The following TFAP2D variants were observed in gnomAD, a reference collection of about 807,000 sequenced individuals.
The protein encoded by TFAP2D is transcription factor AP-2 delta, also known as transcription factor AP-2-delta.
TFAP2D carries 9 observed loss-of-function variants against 43.6 expected under a neutral mutation model. The ratio of observed to expected loss-of-function variants is 0.21; its 90% confidence interval spans 0.12 to 0.36. The LOEUF (loss-of-function observed/expected upper bound fraction) is 0.36. Among genes scored for constraint, TFAP2D ranks in the 10% least tolerant of loss-of-function variants. The probability of loss-of-function intolerance (pLI) is 1.00; values close to 1 mark genes in which losing one functional copy is unlikely to be tolerated. For missense variants in TFAP2D, 513 were observed against 561.4 expected (o/e 0.91, Z 0.87); for synonymous variants, 256 against 224.9 (o/e 1.14, Z -1.24).
intron 3 of TFAP2D, among the ~76,000 whole-genome samples, chr6:50,719,902 G>C (rs896025360): frequency 6.6e-6 from 1 of 152,170 alleles, no homozygotes; most frequent in African/African-American, 2.4e-5. Flanking sequence ...GGCACTAAAG[G>C]GGGCTGCATC....
intron 5 of TFAP2D, among the ~76,000 whole-genome samples, chr6:50,737,370 A>G (rs919095822): frequency 3.9e-5 from 6 of 152,316 alleles, no homozygotes; most frequent in Non-Finnish European, 8.8e-5. Flanking sequence ...AAAACTTGGA[A>G]TTACCCACGT....
intron 5 of TFAP2D, among the ~76,000 whole-genome samples, chr6:50,739,837 A>C (rs1769012421): frequency 6.6e-6 from 1 of 152,232 alleles, no homozygotes; most frequent in African/African-American, 2.4e-5. Flanking sequence ...TAAGTGCAGG[A>C]TATTGAATGG....
chr6:50,762,253 T>C (rs1333786158), intron 7 of TFAP2D, among the ~76,000 whole-genome samples: 1 of 152,082 alleles, frequency 6.6e-6, no homozygotes, highest in Admixed American at 6.6e-5. Flanking sequence ...TACATTTCCA[T>C]GTAAAAAGTT....
At chr6:50,737,406 C>T (rs1768979191) in intron 5 of TFAP2D, among the ~76,000 whole-genome samples, 1 of 152,104 alleles carries the variant, frequency 6.6e-6, no homozygotes, top group Non-Finnish European at 1.5e-5. Context: ...CATTTGAGTT[C>T]AGAATTAAAT....
intron 5 of TFAP2D, among the ~76,000 whole-genome samples, chr6:50,737,698 G>A (rs1768982878): frequency 6.6e-6 from 1 of 151,894 alleles, no homozygotes; most frequent in Non-Finnish European, 1.5e-5. Context: ...AATTTTTTGA[G>A]TTTGTCTTAG....
At chr6:50,739,292 A>G (rs964390439) in intron 5 of TFAP2D, among the ~76,000 whole-genome samples, 1 of 151,986 alleles carries the variant, frequency 6.6e-6, no homozygotes, top group African/African-American at 2.4e-5. Flanking sequence ...TCATTGTTCA[A>G]TTCCCACCTA....
chr6:50,715,442 C>G lies in TFAP2D; in HGVS notation c.366C>G (p.Leu122=), dbSNP rs763351094. The change falls in exon 2 of 8, where the codon CTC becomes CTG. Residue 122 remains leucine (L), a synonymous_variant. Coordinates refer to ENST00000008391, the MANE Select transcript of TFAP2D (RefSeq NM_172238.4). ...DFINLHNARA[L]KSSCLDEQRR... ...TTAACCTGCACAATGCGCGGGCGCT[C>G]AAGTCGTCCTGCCTGGACGAGCAGA... 17 of 1,614,160 alleles carry G rather than the reference C, an allele frequency of 1.1e-5. No individual in the cohort carries two copies. The highest frequency in any genetic ancestry group is 1.6e-4 in the Middle Eastern group (1 of 6,062).
intron 3 of TFAP2D, among the ~76,000 whole-genome samples, chr6:50,719,536 C>A (rs1768686586): frequency 6.6e-6 from 1 of 152,064 alleles, no homozygotes; most frequent in South Asian, 2.1e-4. Context: ...AGCACTAATA[C>A]CACATCCTCC....
At position 50,719,490 on chromosome 6, in the gene TFAP2D, AAAGAAAGAAAG is replaced by A. The variant is rs879617398; in HGVS notation, c.598+344_598+354del. Among the ~76,000 whole-genome samples, 1,125 of 139,336 alleles carry A rather than the reference AAAGAAAGAAAG, an allele frequency of 8.1e-3. 7 individuals are homozygous for A. The highest frequency in any genetic ancestry group is 0.018 in the African/African-American group (730 of 40,270). The allele number at this position is 139,336 out of a possible 152,430, so 91.4% of individuals were successfully genotyped here. A position where few individuals can be genotyped will look rare whatever the true frequency, so the allele number is the denominator to read the frequency against. The stretch of plus-strand genomic sequence containing the variant: ...GAAAGAAAGAAAGAAAGAAAGAAAG[AAAGAAAGAAAG>A]AAGTTTCTCACACCCTCTTCCCCCA... On this transcript the variant is annotated intron_variant, in intron 3 of 7. Transcript: ENST00000008391.
At chr6:50,723,652 A>G (rs1768764272) in intron 3 of TFAP2D, among the ~76,000 whole-genome samples, 1 of 152,178 alleles carries the variant, frequency 6.6e-6, no homozygotes, top group Admixed American at 6.5e-5. Flanking sequence ...AAACTCTTGT[A>G]CCAAAGCATC....
chr6:50,718,490 A>C (rs538936329), intron 2 of TFAP2D, among the ~76,000 whole-genome samples: 2 of 152,178 alleles, frequency 1.3e-5, no homozygotes, highest in African/African-American at 4.8e-5. Flanking sequence ...AAAATCAGCA[A>C]ACTCTTTCCA....
chr6:50,771,273 T>G (rs1220488444), intron 7 of TFAP2D, among the ~76,000 whole-genome samples: 1 of 152,222 alleles, frequency 6.6e-6, no homozygotes, highest in African/African-American at 2.4e-5. Flanking sequence ...GTTTTGTCCC[T>G]GCCACCTAAG....
intron 5 of TFAP2D, among the ~76,000 whole-genome samples, chr6:50,742,986 C>CACACACACACACAT: frequency 6.7e-6 from 1 of 148,336 alleles, no homozygotes; most frequent in Admixed American, 6.6e-5. Context: ...CACACACACA[C>CACACACACACACAT]ACACACACAT....
chr6:50,751,449 G>A lies in TFAP2D; in HGVS notation c.1139+125G>A, dbSNP rs1256313751. On this transcript the variant is annotated intron_variant, in intron 7 of 7. Transcript: ENST00000008391. ...GTGACTGTCCTAGTCCTTTCAGATG[G>A]GCTATAACAAAATACCTTAGACTGG... The A allele has an allele frequency of 1.6e-5, 10 of 631,952 alleles. No individual in the cohort carries two copies. In the East Asian group the frequency reaches 2.6e-4, roughly 16 times the overall value. 39.1% of individuals were successfully genotyped at this position (631,952 alleles called of 1,614,324 possible).
Position 50,715,739 on chromosome 6 carries a change from T to TCA in TFAP2D, c.537+127_537+128insAC, listed in dbSNP as rs1446219701. 5.3e-6 allele frequency: 4 copies of TCA among 753,316 alleles called. No homozygotes were observed. The African/African-American group carries it at 7.7e-5, about 14-fold the overall frequency. The allele number at this position is 753,316 out of a possible 1,614,324, so 46.7% of individuals were successfully genotyped here. ...CTCTTCTCCTCTCTCTCTCTCTCTC[T>TCA]CTCTCTCTCTCACACACACACACAC... On this transcript the variant is annotated intron_variant, in intron 2 of 7. Transcript: ENST00000008391.
intron 5 of TFAP2D, among the ~76,000 whole-genome samples, chr6:50,737,560 T>C (rs1003420302): frequency 2.0e-5 from 3 of 152,190 alleles, no homozygotes; most frequent in Admixed American, 2.0e-4. Flanking sequence ...CCCCAGTCAT[T>C]CAGTTCCCCT....
chr6:50,738,365 CTT>C (rs1443998166), intron 5 of TFAP2D, among the ~76,000 whole-genome samples: 2 of 151,924 alleles, frequency 1.3e-5, no homozygotes, highest in Admixed American at 6.6e-5. Context: ...TTATTGAGGT[CTT>C]TGCATGCAGA....
chr6:50,765,974 C>A (rs191019365), intron 7 of TFAP2D, among the ~76,000 whole-genome samples: 5 of 152,216 alleles, frequency 3.3e-5, no homozygotes, highest in Non-Finnish European at 7.4e-5. Flanking sequence ...CTTCTAGGAG[C>A]TTTATAGTTT....
intron 7 of TFAP2D, among the ~76,000 whole-genome samples, chr6:50,757,806 T>TTA (rs1554157142): frequency 9.6e-6 from 1 of 103,676 alleles, no homozygotes; most frequent in Non-Finnish European, 2.0e-5. Flanking sequence ...ATATATATAA[T>TTA]TATATATATA....
Sources: allele counts gnomAD v4.1 joint callset (sites outside exome capture counted in the v4.1 genomes callset), GRCh38; gene constraint gnomAD v4.1.1; transcripts MANE v1.5; gene names NCBI Gene and HGNC (gene_info 2026-07-23, HGNC 2026-07-21).